DCDC1: variants seen among roughly 807,000 people sequenced by gnomAD.
DCDC1 encodes the protein doublecortin domain containing 1.
In DCDC1, 200 loss-of-function variants were observed where a neutral mutation model predicts 178.3. The ratio of observed to expected loss-of-function variants is 1.12; its 90% CI spans 1.00 to 1.26. The LOEUF (loss-of-function observed/expected upper bound fraction) is 1.26, where lower values mean the gene tolerates loss of function less well. Ranked by LOEUF, DCDC1 falls within the 50% of genes most tolerant of loss-of-function variation. DCDC1 has a pLI of 0.00. For missense variants in DCDC1, 1,983 were observed against 1,749.2 expected (o/e 1.13, Z -2.38); for synonymous variants, 690 against 604.8 (o/e 1.14, Z -2.07).
At chr11:31,276,869 T>C (rs2137233644) in intron 7 of DCDC1, among the ~76,000 whole-genome samples, 1 of 152,278 alleles carries the variant, frequency 6.6e-6, no homozygotes, top group Admixed American at 6.5e-5. Flanking sequence ...ATTTTATTTT[T>C]AGAATGTGAA....
rs375598397 is a variant in DCDC1 at position 31,151,953 on chromosome 11, T to A, written c.1222-14169A>T. On this transcript the variant is annotated intron_variant, in intron 9 of 38. Transcript: ENST00000684477. Reference sequence around the variant, plus strand: ...GTTGTATATATTTTAAAATTTTAAATGTTCTCACCACAAAACAGTGATAAT... The same window carrying A: ...GTTGTATATATTTTAAAATTTTAAAAGTTCTCACCACAAAACAGTGATAAT... 2.0e-5 allele frequency among the ~76,000 whole-genome samples: 3 copies of A among 152,204 alleles called. No individual in the cohort carries two copies. In the East Asian group the frequency reaches 5.8e-4, roughly 29 times the overall value.
intron 1 of DCDC1, among the ~76,000 whole-genome samples, chr11:31,336,496 T>A (rs1381021815): frequency 6.6e-6 from 1 of 152,246 alleles, no homozygotes; most frequent in African/African-American, 2.4e-5. Context: ...CGAGAACTAG[T>A]AAGCTCATGG....
chr11:31,314,098 C>T (rs1197213237), intron 3 of DCDC1, among the ~76,000 whole-genome samples: 1 of 152,148 alleles, frequency 6.6e-6, no homozygotes, highest in Non-Finnish European at 1.5e-5. Context: ...TCCACACCTG[C>T]CCTGGATGAT....
chr11:30,937,352 A>G (rs964331466), intron 21 of DCDC1, among the ~76,000 whole-genome samples: 3 of 152,078 alleles, frequency 2.0e-5, no homozygotes, highest in African/African-American at 7.2e-5. Context: ...CTTCAAATTT[A>G]TCAAGGGTTC....
At chr11:30,910,175 G>A (rs995967381) in intron 28 of DCDC1, among the ~76,000 whole-genome samples, 2 of 152,074 alleles carry the variant, frequency 1.3e-5, no homozygotes, top group Non-Finnish European at 2.9e-5. Flanking sequence ...TTCAATAAAC[G>A]CAACACCAGC....
chr11:31,330,363 T>G (rs1221172707), intron 2 of DCDC1, among the ~76,000 whole-genome samples: 1 of 152,216 alleles, frequency 6.6e-6, no homozygotes, highest in Non-Finnish European at 1.5e-5. Context: ...TTCACTCTGA[T>G]GGTAGTTTCT....
chr11:31,275,597 C>T (rs573583915), intron 7 of DCDC1, among the ~76,000 whole-genome samples: 6 of 152,130 alleles, frequency 3.9e-5, no homozygotes, highest in Admixed American at 1.3e-4. Context: ...CTCTGCCTCC[C>T]GGGTTCAAGT....
At chr11:31,020,431 C>T (rs192084978) in intron 20 of DCDC1, among the ~76,000 whole-genome samples, 22 of 152,218 alleles carry the variant, frequency 1.4e-4, no homozygotes, top group Admixed American at 1.2e-3. Flanking sequence ...CTAAAACACA[C>T]ATTAAAAAAG....
intron 1 of DCDC1, among the ~76,000 whole-genome samples, chr11:31,349,480 AT>A (rs1470723149): frequency 5.3e-5 from 8 of 152,186 alleles, no homozygotes; most frequent in African/African-American, 1.4e-4. Flanking sequence ...AACTGGTTGA[AT>A]TTTCATTATA....
intron 9 of DCDC1, among the ~76,000 whole-genome samples, chr11:31,213,099 GCC>G (rs1565441593): frequency 1.4e-4 from 4 of 29,486 alleles, no homozygotes; most frequent in African/African-American, 4.0e-4. Context: ...ATAAAGCCCA[GCC>G]TCTCTCTCTC....
At chr11:30,962,729 T>C (rs1949178829) in intron 20 of DCDC1, among the ~76,000 whole-genome samples, 3 of 152,110 alleles carry the variant, frequency 2.0e-5, no homozygotes, top group African/African-American at 7.2e-5. Context: ...AGTTCGCTTT[T>C]AACATAAGTC....
At chr11:31,348,570 T>C (rs896857821) in intron 1 of DCDC1, among the ~76,000 whole-genome samples, 2 of 152,154 alleles carry the variant, frequency 1.3e-5, no homozygotes, top group Non-Finnish European at 2.9e-5. Context: ...ACCTATTTAA[T>C]TGCCAGTTAC....
At position 30,981,210 on chromosome 11, in the gene DCDC1, C is replaced by T. The variant is rs562233184; in HGVS notation, c.2592-28642G>A. On this transcript the variant is annotated intron_variant, in intron 20 of 38. Coordinates refer to ENST00000684477, the MANE Select transcript of DCDC1 (RefSeq NM_001387274.1). The stretch of plus-strand genomic sequence containing the variant: ...AAAAGCGGAGAGGGTGGAAAGAGAG[C>T]GAGGGTTGAAAAATTACCTGTTGGG... 6.6e-5 allele frequency among the ~76,000 whole-genome samples: 10 copies of T among 151,986 alleles called. No homozygotes were observed. In the East Asian group the frequency reaches 1.2e-3, roughly 18 times the overall value.
chr11:31,001,848 T>G (rs1951598734), intron 20 of DCDC1, among the ~76,000 whole-genome samples: 2 of 152,232 alleles, frequency 1.3e-5, no homozygotes, highest in Non-Finnish European at 2.9e-5. Context: ...GCAAGATTTA[T>G]AAGCTTGGTT....
intron 20 of DCDC1, among the ~76,000 whole-genome samples, chr11:31,049,551 G>C (rs1955097952): frequency 6.6e-6 from 1 of 152,150 alleles, no homozygotes; most frequent in Non-Finnish European, 1.5e-5. Context: ...AGCATGAGGA[G>C]GTTAGCATTG....
At chr11:31,326,405 ATAGT>A (rs927408970) in intron 3 of DCDC1, among the ~76,000 whole-genome samples, 5 of 152,218 alleles carry the variant, frequency 3.3e-5, no homozygotes, top group African/African-American at 7.2e-5. Flanking sequence ...ATGCACAAAA[ATAGT>A]TAGAATAAAA....
chr11:30,958,903 C>A (rs1314148072), intron 20 of DCDC1, among the ~76,000 whole-genome samples: 1 of 151,978 alleles, frequency 6.6e-6, no homozygotes, highest in Non-Finnish European at 1.5e-5. Flanking sequence ...GGTCTGAAAC[C>A]CAGGGGACCT....
intron 8 of DCDC1, among the ~76,000 whole-genome samples, chr11:31,257,502 G>A (rs910545836): frequency 4.7e-5 from 7 of 149,994 alleles, no homozygotes; most frequent in East Asian, 2.0e-4. Flanking sequence ...TCGAGGAATC[G>A]GATTCCTGAA....
intron 20 of DCDC1, among the ~76,000 whole-genome samples, chr11:30,980,230 T>C (rs1950325320): frequency 6.6e-6 from 1 of 152,156 alleles, no homozygotes; most frequent in Non-Finnish European, 1.5e-5. Flanking sequence ...AGAACAATAC[T>C]AACTGCAGAT....
Sources: allele counts gnomAD v4.1 joint callset (sites outside exome capture counted in the v4.1 genomes callset), GRCh38; gene constraint gnomAD v4.1.1; transcripts MANE v1.5; gene names NCBI Gene and HGNC (gene_info 2026-07-23, HGNC 2026-07-21).